Variants in CASP5 observed in about 807,000 individuals in gnomAD.
CASP5 encodes the protein caspase-5.
Under a neutral mutation model 45.2 loss-of-function variants are expected in CASP5, and 42 were observed. That is an observed-to-expected ratio of 0.93 (90% CI 0.73 to 1.20). CASP5 has a LOEUF of 1.20. Among genes scored for constraint, CASP5 ranks in the 50% most tolerant of loss-of-function variants. The pLI is 0.00. For missense variants in CASP5, 512 were observed against 532.2 expected (o/e 0.96, Z 0.37); for synonymous variants, 209 against 186.2 (o/e 1.12, Z -1.00).
At chr11:105,000,620 T>G in intron 5 of CASP5, 125 bp from the exon 6 acceptor site, 3 of 816,220 alleles carry the variant, frequency 3.7e-6, no homozygotes, top group Non-Finnish European at 5.8e-6. Flanking sequence ...ACATAGCGCT[T>G]ACTCAGTCAT....
chr11:105,021,860 C>T (rs1168708031), intron 1 of CASP5, among the ~76,000 whole-genome samples: 5 of 149,772 alleles, frequency 3.3e-5, no homozygotes, highest in Admixed American at 6.8e-5. Context: ...CACATGCACA[C>T]GTATGTTTAT....
chr11:105,021,784 A>G (rs1270804486), intron 1 of CASP5, among the ~76,000 whole-genome samples: 2 of 150,434 alleles, frequency 1.3e-5, no homozygotes, highest in African/African-American at 4.9e-5. Flanking sequence ...TAGAAATACC[A>G]TTTGACCCAG....
intron 3 of CASP5, among the ~76,000 whole-genome samples, chr11:105,004,098 T>A (rs1861886539): frequency 6.6e-6 from 1 of 152,144 alleles, no homozygotes; most frequent in South Asian, 2.1e-4. Context: ...AATTAATAAT[T>A]ATTCTAGAAG....
chr11:104,998,910 G>A lies in CASP5; in HGVS notation c.1071C>T (p.Phe357=). 2.5e-6 allele frequency: 4 copies of A among 1,613,770 alleles called. No homozygotes were observed. The highest frequency in any genetic ancestry group is 2.2e-5 in the East Asian group (1 of 44,862). Residue 357 remains phenylalanine (F), a synonymous_variant, in exon 7 of 10, where the codon TTC becomes TTT. Transcript: ENST00000260315. ...GTGGTGTTGAAGAACAGAAAGCAAT[G>A]AAGTCCTTCTCCTCGTGGATCTTGC... ...SVCKIHEEKD[F]IAFCSSTPHN...
intron 3 of CASP5, among the ~76,000 whole-genome samples, chr11:105,004,224 T>C (rs1296954885): frequency 1.3e-5 from 2 of 152,156 alleles, no homozygotes; most frequent in Non-Finnish European, 2.9e-5. Context: ...GGGACAAATA[T>C]TTGTATGAGA....
In CASP5 at chr11:105,007,163, G is replaced by A; in HGVS notation, c.353C>T (p.Ser118Phe). Residue 118 changes from serine (S) to phenylalanine (F), a missense_variant, in exon 3 of 10, where the codon TCT (serine) becomes TTT (phenylalanine). Physicochemically the swap from Ser to Phe is radical, Grantham distance 155. Transcript: ENST00000260315. ...IEDKALILVD[S>F]LRKNRVAHQM... ...ATGAGCCACGCGATTCTTTCGCAAA[G>A]AGTCTACCAAGATCAGGGCCTTGTC... 1.2e-6 allele frequency: 2 copies of A among 1,613,784 alleles called. No homozygotes were observed. Among genetic ancestry groups the A allele is most frequent in the Non-Finnish European group, 8.5e-7 (1 of 1,179,718 alleles).
At chr11:105,006,596 C>T (rs1010595614) in intron 3 of CASP5, among the ~76,000 whole-genome samples, 1 of 152,164 alleles carries the variant, frequency 6.6e-6, no homozygotes, top group African/African-American at 2.4e-5. Context: ...CTAAATGAGT[C>T]TGGAGCTCAG....
intron 1 of CASP5, among the ~76,000 whole-genome samples, chr11:105,012,978 T>G (rs1862425725): frequency 6.6e-6 from 1 of 151,972 alleles, no homozygotes; most frequent in African/African-American, 2.4e-5. Context: ...ACACTTCCAT[T>G]GTGATTGCAG....
chr11:105,009,010 C>T (rs1331165289), intron 1 of CASP5, 30 bp from the exon 2 acceptor site: 1 of 1,604,624 alleles, frequency 6.2e-7, no homozygotes, highest in South Asian at 1.1e-5. Context: ...TCCTTCAACT[C>T]TGGGCACAGC....
intron 1 of CASP5, among the ~76,000 whole-genome samples, chr11:105,009,886 T>C (rs866056177): frequency 0.016 from 2,161 of 138,612 alleles, 84 homozygotes; most frequent in African/African-American, 0.056. Flanking sequence ...CACATATATA[T>C]ACACATATAT....
chr11:105,011,347 C>T (rs1862335789), intron 1 of CASP5, among the ~76,000 whole-genome samples: 1 of 151,758 alleles, frequency 6.6e-6, no homozygotes, highest in Non-Finnish European at 1.5e-5. Context: ...ACACAGTTAA[C>T]ATCATACTCA....
chr11:105,009,474 T>C (rs915460901), intron 1 of CASP5, among the ~76,000 whole-genome samples: 3 of 151,596 alleles, frequency 2.0e-5, no homozygotes, highest in African/African-American at 7.3e-5. Context: ...TTGTGCTAAT[T>C]AACAATTTTC....
At chr11:105,008,371 G>T (rs1862109200) in intron 2 of CASP5, among the ~76,000 whole-genome samples, 1 of 151,976 alleles carries the variant, frequency 6.6e-6, no homozygotes, top group South Asian at 2.1e-4. Context: ...GGAGTTATTG[G>T]CATGTTGATG....
chr11:105,017,817 T>C (rs1488506927), intron 1 of CASP5, among the ~76,000 whole-genome samples: 1 of 151,914 alleles, frequency 6.6e-6, no homozygotes, highest in Admixed American at 6.6e-5. Context: ...GCCACAAAGA[T>C]ACTCCTCGAG....
intron 1 of CASP5, among the ~76,000 whole-genome samples, chr11:105,019,012 C>T (rs1269793246): frequency 1.4e-5 from 2 of 146,966 alleles, no homozygotes; most frequent in Admixed American, 7.1e-5. Flanking sequence ...CACTCAAAAC[C>T]ACTCAACTAC....
intron 1 of CASP5, among the ~76,000 whole-genome samples, chr11:105,012,408 A>G (rs1862393304): frequency 6.6e-6 from 1 of 151,918 alleles, no homozygotes; most frequent in Non-Finnish European, 1.5e-5. Flanking sequence ...ATATGGGAAA[A>G]GAAAGCAAAA....
Position 104,998,997 on chromosome 11 carries a change from A to G in CASP5, c.984T>C (p.Ser328=), listed in dbSNP as rs1390431134. The G allele has an allele frequency of 1.2e-6, 2 of 1,613,148 alleles. No individual in the cohort carries two copies. The highest frequency in any genetic ancestry group is 1.7e-6 in the Non-Finnish European group (2 of 1,179,566). Residue 328 remains serine, a synonymous_variant, in exon 7 of 10, where the codon TCT becomes TCC. Transcript: ENST00000260315. The part of the protein sequence containing the change: ...EKHGELWVRD[S]PASLALISSQ... ...AAGAGATGAGTGCCAAGGATGCTGGAGAGTCTCTGACCCAGAGTTCCCCAT... is the reference window on the plus strand; with the variant it reads ...AAGAGATGAGTGCCAAGGATGCTGGGGAGTCTCTGACCCAGAGTTCCCCAT...
intron 3 of CASP5, among the ~76,000 whole-genome samples, chr11:105,006,219 C>T (rs765593535): frequency 6.6e-5 from 10 of 152,088 alleles, no homozygotes; most frequent in Non-Finnish European, 1.3e-4. Context: ...TATAGTAGTT[C>T]CCTGATCATA....
intron 1 of CASP5, among the ~76,000 whole-genome samples, chr11:105,015,905 T>C (rs1862565481): frequency 1.3e-5 from 2 of 152,184 alleles, no homozygotes; most frequent in African/African-American, 2.4e-5. Context: ...TGAAGTAAAA[T>C]ACAGTAAACA....
Sources: gnomAD v4.1 joint callset for allele counts (sites outside exome capture counted in the v4.1 genomes callset) on GRCh38, gnomAD v4.1.1 for gene constraint, MANE v1.5 for transcripts, NCBI Gene and HGNC (gene_info 2026-07-23, HGNC 2026-07-21) for gene names.